The following NPL variants were observed in gnomAD, a reference collection of about 807,000 sequenced individuals.
NPL encodes the protein N-acetylneuraminate lyase.
In NPL, 32 loss-of-function variants were observed where a neutral mutation model predicts 41.1. That is an observed-to-expected ratio of 0.78 (90% CI 0.59 to 1.05). The LOEUF (loss-of-function observed/expected upper bound fraction) is 1.05. Among genes scored for constraint, NPL ranks in the 50% least tolerant of loss-of-function variants. The pLI is 0.00. For synonymous variants in NPL, 128 were observed against 134.9 expected (o/e 0.95, Z 0.35); for missense variants, 321 against 378.4 (o/e 0.85, Z 1.26).
At position 182,799,088 on chromosome 1, in the gene NPL, G is replaced by C. The variant is rs142674401; in HGVS notation, c.69-4610G>C. On this transcript the variant is annotated intron_variant, in intron 3 of 12. Coordinates refer to ENST00000367553, the MANE Select transcript of NPL (RefSeq NM_030769.3). ...TCATGGTGGTTCGTGCACCAGGAGA[G>C]GAAACAAACAGCAATAGGGATTTCT... 4.5e-4 allele frequency among the ~76,000 whole-genome samples: 69 copies of C among 152,254 alleles called. No homozygotes were observed. The East Asian group carries it at 0.012, about 26-fold the overall frequency.
rs373102223 is a variant in NPL at position 182,828,742 on chromosome 1, C to A, written c.797C>A (p.Thr266Asn). The A allele has an allele frequency of 6.2e-7, 1 of 1,614,192 alleles. No homozygotes were observed. Among genetic ancestry groups the A allele is most frequent in the Non-Finnish European group, 8.5e-7 (1 of 1,180,040 alleles). The part of the protein sequence containing the change: ...VVKLGFGVSQ[T>N]KAIMTLVSGI... ...CGTCTAGGTTTTGGAGTGTCACAGACCAAAGCCATCATGACTCTGGTCTCT... is the reference window on the plus strand; with the variant it reads ...CGTCTAGGTTTTGGAGTGTCACAGAACAAAGCCATCATGACTCTGGTCTCT... Residue 266 changes from threonine (T) to asparagine (N), a missense_variant, in exon 13 of 13, where the codon ACC becomes AAC. Transcript: ENST00000367553. The surrounding 1 kb of genome is among the most constrained non-coding windows in gnomAD (Gnocchi z 4.0).
chr1:182,818,850 C>G lies in NPL; in HGVS notation c.644C>G (p.Ala215Gly). 1.2e-6 allele frequency: 2 copies of G among 1,614,014 alleles called. No homozygotes were observed. The highest frequency in any genetic ancestry group is 8.5e-7 in the Non-Finnish European group (1 of 1,179,910). The change falls in exon 10 of 13, where the codon GCA becomes GGA. Residue 215 changes from alanine to glycine, a missense_variant. Ala to Gly is a moderately conservative substitution (Grantham distance 60). Transcript: ENST00000367553. ...GCTCTGGTGATGGGAGCAACTGGAG[C>G]AGTGGGCAGGTAAGCATGACTCATT... ...LSALVMGATG[A>G]VGSTYNYLGK...
At chr1:182,805,873 TG>T (rs1666993560) in intron 4 of NPL, among the ~76,000 whole-genome samples, 1 of 152,224 alleles carries the variant, frequency 6.6e-6, no homozygotes, top group South Asian at 2.1e-4. Context: ...ACGTAAAATG[TG>T]GGCAGTCATC....
chr1:182,802,466 AT>A lies in NPL; in HGVS notation c.69-1221del, dbSNP rs371619666. Among the ~76,000 whole-genome samples, 548 of 147,590 alleles carry A rather than the reference AT, an allele frequency of 3.7e-3. 2 individuals carry two copies. Among genetic ancestry groups the A allele is most frequent in the African/African-American group, 0.011 (456 of 40,518 alleles). On this transcript the variant is annotated intron_variant, in intron 3 of 12. Transcript: ENST00000367553. ...TGCCTTTGTTTCCTAGATGCATCAG[AT>A]TTTTTTTTTTGTTTTTGTTGTTTAA... is the stretch of plus-strand genomic sequence containing the variant.
intron 1 of NPL, among the ~76,000 whole-genome samples, chr1:182,790,780 A>AC (rs977945417): frequency 6.6e-6 from 1 of 152,166 alleles, no homozygotes; most frequent in Admixed American, 6.5e-5. Flanking sequence ...AGTAGCTGGG[A>AC]CTACAGGCTC....
Position 182,822,137 on chromosome 1 carries a change from A to G in NPL, c.676A>G (p.Lys226Glu). The change falls in exon 11 of 13, where the codon AAG becomes GAG. Residue 226 changes from lysine (K) to glutamate (E), a missense_variant. Lys to Glu is a moderately conservative substitution (Grantham distance 56, BLOSUM62 1). Transcript: ENST00000367553. ...VGSTYNYLGK[K>E]TNQMLEAFEQ... ...CAGTACCTATAACTACCTGGGAAAA[A>G]AGACAAACCAGATGTTGGAGGCTTT... is the stretch of plus-strand genomic sequence containing the variant. 1 of 1,613,514 alleles carries G rather than the reference A, an allele frequency of 6.2e-7. No homozygotes were observed. Among genetic ancestry groups the G allele is most frequent in the Non-Finnish European group, 8.5e-7 (1 of 1,179,382 alleles).
intron 10 of NPL, among the ~76,000 whole-genome samples, chr1:182,821,599 T>A (rs1667487930): frequency 6.6e-6 from 1 of 152,220 alleles, no homozygotes; most frequent in Admixed American, 6.5e-5. Flanking sequence ...ACTTAGTAAA[T>A]GATCCCTCAT....
rs1667342125 is a variant in NPL at position 182,816,724 on chromosome 1, T to G, written c.375T>G (p.Ile125Met). 1.9e-6 allele frequency: 3 copies of G among 1,612,804 alleles called. No individual in the cohort carries two copies. The Admixed American group carries it at 5.0e-5, about 27-fold the overall frequency. ...CTACTGTTCTTTCAGATATCCTGAT[T>G]AATTTCCTAAAGGAAGTGGCTGCTG... is the stretch of plus-strand genomic sequence containing the variant. ...FLKPWTKDIL[I>M]NFLKEVAAAA... Residue 125 changes from isoleucine (I) to methionine (M), a missense_variant, in exon 8 of 13, where the codon ATT becomes ATG. Coordinates refer to ENST00000367553, the MANE Select transcript of NPL (RefSeq NM_030769.3).
chr1:182,794,776 T>A (rs6656842), intron 3 of NPL, among the ~76,000 whole-genome samples: 12,589 of 152,218 alleles, frequency 0.083, 614 homozygotes, highest in African/African-American at 0.14. Flanking sequence ...GCCAGTAGCA[T>A]TGGATGAGAA....
intron 10 of NPL, among the ~76,000 whole-genome samples, chr1:182,819,624 AAAAG>A (rs1228602633): frequency 6.6e-6 from 1 of 152,106 alleles, no homozygotes; most frequent in Non-Finnish European, 1.5e-5. Flanking sequence ...AAAAAAAAGA[AAAAG>A]AAAAAGAAAA....
chr1:182,812,500 A>G (rs1424619189), intron 6 of NPL, among the ~76,000 whole-genome samples: 1 of 152,144 alleles, frequency 6.6e-6, no homozygotes, highest in African/African-American at 2.4e-5. Flanking sequence ...GAACTGAGCC[A>G]ATTTCAGTTT....
chr1:182,810,597 A>AT (rs1667147412), intron 5 of NPL, among the ~76,000 whole-genome samples: 1 of 151,972 alleles, frequency 6.6e-6, no homozygotes, highest in Admixed American at 6.6e-5. Flanking sequence ...TTCCCTAGAC[A>AT]TTTTTTAAAA....
At chr1:182,807,760 G>A (rs1414453744) in intron 5 of NPL, among the ~76,000 whole-genome samples, 3 of 150,590 alleles carry the variant, frequency 2.0e-5, no homozygotes, top group Non-Finnish European at 3.0e-5. Flanking sequence ...GCATGGTGGC[G>A]GGCTCCTGTA....
At chr1:182,807,210 TA>T (rs1375537152) in intron 5 of NPL, among the ~76,000 whole-genome samples, 11 of 152,180 alleles carry the variant, frequency 7.2e-5, no homozygotes, top group Non-Finnish European at 1.3e-4. Flanking sequence ...CAGTATAAAG[TA>T]AGGGCTCTGC....
At chr1:182,800,520 T>A (rs1312530335) in intron 3 of NPL, among the ~76,000 whole-genome samples, 1 of 150,460 alleles carries the variant, frequency 6.6e-6, no homozygotes, top group African/African-American at 2.5e-5. Context: ...GGTACCTATG[T>A]AACAAATGTG....
chr1:182,828,901 G>A lies in NPL; in HGVS notation c.956G>A (p.Gly319Asp). 1 of 1,614,160 alleles carries A rather than the reference G, an allele frequency of 6.2e-7. No homozygotes were observed. Among genetic ancestry groups the A allele is most frequent in the Non-Finnish European group, 8.5e-7 (1 of 1,180,008 alleles). Residue 319 changes from glycine to aspartate, a missense_variant, in exon 13 of 13, where the codon GGT (glycine) becomes GAT (aspartate). Physicochemically the swap from Gly to Asp is moderately conservative, Grantham distance 94 (BLOSUM62 -1). Transcript: ENST00000367553. This position sits in a 1 kb window ranked among gnomAD's most constrained non-coding sequence, Gnocchi z 4.0. Reference protein sequence around the residue: ...TDLKDGNLEAGS With the variant: ...TDLKDGNLEADS ...TTAAAGGATGGAAACTTGGAAGCTG[G>A]TAGCTAGTGCCTCTCTATCAAATCA... is the stretch of plus-strand genomic sequence containing the variant.
At chr1:182,794,313 C>T (rs965617565) in intron 2 of NPL, 43 bp from the exon 3 acceptor site, 2 of 1,521,836 alleles carry the variant, frequency 1.3e-6, no homozygotes, top group Admixed American at 3.3e-5. Flanking sequence ...TTATCATTGA[C>T]ATTCCTTGAA....
chr1:182,829,729 C>G lies in NPL; in HGVS notation c.*821C>G. 1 of 1,189,250 alleles carries G rather than the reference C, an allele frequency of 8.4e-7. No homozygotes were observed. The highest frequency in any genetic ancestry group is 1.2e-6 in the Non-Finnish European group (1 of 818,770). The allele number at this position is 1,189,250 out of a possible 1,614,324, so 73.7% of individuals were successfully genotyped here. A position where few individuals can be genotyped will look rare whatever the true frequency, so the allele number is the denominator to read the frequency against. On this transcript the variant is annotated 3_prime_UTR_variant, in exon 13 of 13. Coordinates refer to ENST00000367553, the MANE Select transcript of NPL (RefSeq NM_030769.3). ...CTGAATTATTGAAATCGAAGGCTGA[C>G]TTCCTTTCTGCAGTGAGCCCAGGGG...
chr1:182,790,385 A>G (rs1373243242), intron 1 of NPL, among the ~76,000 whole-genome samples: 1 of 152,204 alleles, frequency 6.6e-6, no homozygotes, highest in African/African-American at 2.4e-5. Context: ...CCCCCTCCCA[A>G]TGTTTCAGTA....
Sources: allele counts gnomAD v4.1 joint callset (sites outside exome capture counted in the v4.1 genomes callset), GRCh38; gene constraint gnomAD v4.1.1; non-coding constraint Gnocchi (gnomAD v3.1); transcripts MANE v1.5; gene names NCBI Gene and HGNC (gene_info 2026-07-23, HGNC 2026-07-21).